The following TSPAN18 variants were observed in gnomAD, a reference collection of about 807,000 sequenced individuals.
TSPAN18 encodes tetraspanin 18, also known as tetraspanin-18.
A neutral mutation model predicts 27.3 loss-of-function variants in TSPAN18; 14 were observed. The observed-to-expected ratio is 0.51, with a 90% CI of 0.34 to 0.80. The LOEUF (loss-of-function observed/expected upper bound fraction) is 0.80, where lower values mean the gene tolerates loss of function less well. Ranked by LOEUF, TSPAN18 falls within the 30% of genes least tolerant of loss-of-function variation. The pLI is 0.01. For missense variants in TSPAN18, 268 were observed against 323.9 expected, an observed-to-expected ratio of 0.83 and a Z score of 1.32; for synonymous variants, 143 against 136.5, an observed-to-expected ratio of 1.05 and a Z score of -0.33.
rs1382412134 is a variant in TSPAN18, at chr11:44,903,451, A to AG, written c.-10-2954dup. ...GAGTCTTGGAGGTCCTGTGGTCTGTAGGAGGCAGCTTGGTCTCCTGTAGAG... is the reference window on the plus strand; with the variant it reads ...GAGTCTTGGAGGTCCTGTGGTCTGTAGGGAGGCAGCTTGGTCTCCTGTAGAG... On this transcript the variant is annotated intron_variant, in intron 3 of 9. Transcript: ENST00000520358. 3 of 456,560 alleles carry AG rather than the reference A, an allele frequency of 6.6e-6. No individual in the cohort carries two copies. The East Asian group carries it at 2.1e-4, about 32-fold the overall frequency. The allele number at this position is 456,560 out of a possible 1,614,324, so 28.3% of individuals were successfully genotyped here. A position where few individuals can be genotyped will look rare whatever the true frequency, so the allele number is the denominator to read the frequency against.
At chr11:44,818,028 G>A (rs1856848702) in intron 2 of TSPAN18, among the ~76,000 whole-genome samples, 1 of 152,224 alleles carries the variant, frequency 6.6e-6, no homozygotes, top group Admixed American at 6.5e-5. Flanking sequence ...AGGAAATGGG[G>A]CTGGGGTAGG....
At chr11:44,862,703 C>A (rs1433246790) in intron 3 of TSPAN18, among the ~76,000 whole-genome samples, 1 of 152,192 alleles carries the variant, frequency 6.6e-6, no homozygotes, top group Non-Finnish European at 1.5e-5. Context: ...TGCCCCCAAC[C>A]CCTCGCCTGA....
intron 2 of TSPAN18, among the ~76,000 whole-genome samples, chr11:44,795,201 C>T (rs1387527022): frequency 3.3e-5 from 5 of 151,992 alleles, no homozygotes; most frequent in Admixed American, 6.5e-5. Flanking sequence ...GGGCCAGTTC[C>T]GGTCCTCACG....
At chr11:44,863,804 G>A (rs1258001220) in intron 3 of TSPAN18, among the ~76,000 whole-genome samples, 3 of 152,074 alleles carry the variant, frequency 2.0e-5, no homozygotes, top group Non-Finnish European at 4.4e-5. Context: ...GTCACTTCTC[G>A]TAAGACTGTG....
chr11:44,863,104 AAAGG>A (rs1247743049), intron 3 of TSPAN18, among the ~76,000 whole-genome samples: 1 of 152,204 alleles, frequency 6.6e-6, no homozygotes, highest in African/African-American at 2.4e-5. Flanking sequence ...GCTGAAATAT[AAAGG>A]AAGGCTTGGG....
intron 3 of TSPAN18, among the ~76,000 whole-genome samples, chr11:44,895,137 C>A (rs770930329): frequency 9.9e-5 from 15 of 152,152 alleles, no homozygotes; most frequent in Non-Finnish European, 1.8e-4. Context: ...TTATTAGGCT[C>A]AGTTACCACA....
Position 44,932,181 on chromosome 11 carries a change from G to GC in TSPAN18, c.*3008dup, listed in dbSNP as rs1298057711. The GC allele has an allele frequency of 6.6e-6, 1 of 151,766 alleles. No individual in the cohort carries two copies. Among genetic ancestry groups the GC allele is most frequent in the Non-Finnish European group, 1.5e-5 (1 of 68,022 alleles). 9.4% of individuals were successfully genotyped at this position (151,766 alleles called of 1,614,324 possible). On this transcript the variant is annotated 3_prime_UTR_variant, in exon 10 of 10. Transcript: ENST00000520358. ...CCCAGCACCCGCCGTCTCCCCAGAAGCCCCCTCCTCCTTCCCCCATGGGTC... is the reference window on the plus strand; with the variant it reads ...CCCAGCACCCGCCGTCTCCCCAGAAGCCCCCCTCCTCCTTCCCCCATGGGTC...
intron 2 of TSPAN18, among the ~76,000 whole-genome samples, chr11:44,777,970 AT>A (rs1000322000): frequency 2.6e-5 from 4 of 151,986 alleles, no homozygotes; most frequent in African/African-American, 9.7e-5. Flanking sequence ...CTCTTAAAGG[AT>A]TTTTCCCCCC....
intron 1 of TSPAN18, among the ~76,000 whole-genome samples, chr11:44,756,566 C>G (rs1241486243): frequency 6.6e-6 from 1 of 152,116 alleles, no homozygotes; most frequent in Admixed American, 6.5e-5. Context: ...AATAATTCTT[C>G]CCATTTTCCT....
chr11:44,787,517 T>C lies in TSPAN18; in HGVS notation c.-153+23005T>C, dbSNP rs532319671. On this transcript the variant is annotated intron_variant, in intron 2 of 9. Transcript: ENST00000520358. ...TTGATTCTCATCCTCTTAGACAGAG[T>C]GGGAAGGCAGCAGGCTTAGAGGGTA... Among the ~76,000 whole-genome samples, 30 of 152,150 alleles carry C rather than the reference T, an allele frequency of 2.0e-4. No individual in the cohort carries two copies. In the South Asian group the frequency reaches 2.7e-3, roughly 14 times the overall value.
intron 1 of TSPAN18, among the ~76,000 whole-genome samples, chr11:44,751,889 C>T (rs1487257180): frequency 1.3e-5 from 2 of 151,192 alleles, no homozygotes; most frequent in Non-Finnish European, 2.9e-5. Flanking sequence ...ATCACACCAC[C>T]GCACTCCAGC....
chr11:44,783,605 G>A (rs569396976), intron 2 of TSPAN18, among the ~76,000 whole-genome samples: 2 of 152,126 alleles, frequency 1.3e-5, no homozygotes, highest in South Asian at 4.2e-4. Flanking sequence ...CACCATGTTG[G>A]CCAGGCTGGT....
At position 44,770,231 on chromosome 11, in the gene TSPAN18, A is replaced by G. The variant is rs548400932; in HGVS notation, c.-153+5719A>G. ...AATACATTGAATATCAGGTGCTATT[A>G]GGTGCTATGAAGTTCAATAATGACA... On this transcript the variant is annotated intron_variant, in intron 2 of 9. Coordinates refer to ENST00000520358, the MANE Select transcript of TSPAN18 (RefSeq NM_130783.5). 1.3e-4 allele frequency among the ~76,000 whole-genome samples: 20 copies of G among 152,304 alleles called. No individual in the cohort carries two copies. In the East Asian group the frequency reaches 3.7e-3, roughly 28 times the overall value.
intron 2 of TSPAN18, among the ~76,000 whole-genome samples, chr11:44,823,011 C>T (rs993061669): frequency 2.6e-5 from 4 of 152,216 alleles, no homozygotes; most frequent in Non-Finnish European, 4.4e-5. Context: ...ATCAGCAAGA[C>T]ACTTCTGGCC....
At chr11:44,867,389 CTTTTTTT>C (rs71038824) in intron 3 of TSPAN18, among the ~76,000 whole-genome samples, 8 of 60,422 alleles carry the variant, frequency 1.3e-4, no homozygotes, top group Non-Finnish European at 1.7e-4. Context: ...GTTTATGAAT[CTTTTTTT>C]TTTTTTTTTT....
intron 2 of TSPAN18, among the ~76,000 whole-genome samples, chr11:44,838,354 A>C (rs1488657685): frequency 6.6e-6 from 1 of 152,160 alleles, no homozygotes; most frequent in Non-Finnish European, 1.5e-5. Flanking sequence ...TATAATGAGA[A>C]CAGCACGGGA....
rs1855496061 is a variant in TSPAN18 at position 44,763,342 on chromosome 11, C to A, written c.-239-1084C>A. ...ATCTCTTGGGACTGGCCTGTCTCTGCTGGCAGGTATGTGGCCTGGACATGG... is the reference window on the plus strand; with the variant it reads ...ATCTCTTGGGACTGGCCTGTCTCTGATGGCAGGTATGTGGCCTGGACATGG... On this transcript the variant is annotated intron_variant, in intron 1 of 9. Transcript: ENST00000520358. Among the ~76,000 whole-genome samples, 4 of 152,202 alleles carry A rather than the reference C, an allele frequency of 2.6e-5. No individual in the cohort carries two copies. In the South Asian group the frequency reaches 8.3e-4, roughly 32 times the overall value.
intron 1 of TSPAN18, among the ~76,000 whole-genome samples, chr11:44,754,936 T>C (rs1320069745): frequency 6.6e-6 from 1 of 152,172 alleles, no homozygotes; most frequent in Admixed American, 6.5e-5. Flanking sequence ...TCCTACTCAG[T>C]TGACCAGTGC....
chr11:44,807,124 A>C (rs899151828), intron 2 of TSPAN18, among the ~76,000 whole-genome samples: 7 of 148,254 alleles, frequency 4.7e-5, no homozygotes, highest in Non-Finnish European at 1.0e-4. Context: ...TTGGGAGACC[A>C]AAGTGGGAGG....
Sources: allele counts gnomAD v4.1 joint callset (sites outside exome capture counted in the v4.1 genomes callset), GRCh38; gene constraint gnomAD v4.1.1; transcripts MANE v1.5; gene names NCBI Gene and HGNC (gene_info 2026-07-23, HGNC 2026-07-21).